The following ROBO2 variants were observed in gnomAD, a reference collection of about 807,000 sequenced individuals.
ROBO2 encodes roundabout guidance receptor 2.
In ROBO2, 53 loss-of-function variants were observed where a neutral mutation model predicts 160.8. The observed-to-expected ratio is 0.33, with a 90% CI of 0.26 to 0.41. ROBO2 has a LOEUF of 0.41. ROBO2 is among the 10% of genes least tolerant of loss of function. The pLI, the probability that ROBO2 is intolerant of heterozygous loss-of-function variation, is 1.00. For missense variants in ROBO2, 1,577 were observed against 1,722.4 expected, an observed-to-expected ratio of 0.92 and a Z score of 1.49; for synonymous variants, 664 against 611.7, an observed-to-expected ratio of 1.09 and a Z score of -1.26.
chr3:76,313,361 G>A (rs2071735466), intron 2 of ROBO2, among the ~76,000 whole-genome samples: 1 of 152,116 alleles, frequency 6.6e-6, no homozygotes, highest in African/African-American at 2.4e-5. Flanking sequence ...ATCTTTCAGT[G>A]GGTTGTAAAA....
chr3:76,751,831 T>G (rs2060669944), intron 2 of ROBO2, among the ~76,000 whole-genome samples: 1 of 152,168 alleles, frequency 6.6e-6, no homozygotes, highest in Non-Finnish European at 1.5e-5. Flanking sequence ...GGAACACTTT[T>G]ACACTGTTGG....
At chr3:77,478,176 T>C (rs1212595865) in intron 3 of ROBO2, among the ~76,000 whole-genome samples, 2 of 152,162 alleles carry the variant, frequency 1.3e-5, no homozygotes, top group Non-Finnish European at 2.9e-5. Flanking sequence ...GATCATGCAG[T>C]ACCTGAGTGT....
chr3:76,136,521 GAA>G (rs942452060), intron 2 of ROBO2, among the ~76,000 whole-genome samples: 2 of 152,060 alleles, frequency 1.3e-5, no homozygotes, highest in Non-Finnish European at 2.9e-5. Flanking sequence ...TAAGGAAAGA[GAA>G]ATGTCTAAAA....
intron 2 of ROBO2, among the ~76,000 whole-genome samples, chr3:76,336,097 T>A (rs965312599): frequency 1.3e-5 from 2 of 152,200 alleles, no homozygotes; most frequent in Middle Eastern, 3.2e-3. Context: ...GAACTAGCAT[T>A]TGCCTGTATT....
At chr3:77,244,786 G>A (rs538495399) in intron 2 of ROBO2, among the ~76,000 whole-genome samples, 1 of 151,736 alleles carries the variant, frequency 6.6e-6, no homozygotes, top group South Asian at 2.1e-4. Flanking sequence ...GCTGAGGCAG[G>A]GGAATCGCTT....
chr3:77,166,531 A>G (rs1177452082), intron 2 of ROBO2, among the ~76,000 whole-genome samples: 1 of 152,052 alleles, frequency 6.6e-6, no homozygotes, highest in Admixed American at 6.6e-5. Flanking sequence ...CCTTTTAAAA[A>G]ATATTTAATG....
chr3:76,239,548 C>T (rs539084073), intron 2 of ROBO2, among the ~76,000 whole-genome samples: 147 of 152,096 alleles, frequency 9.7e-4, no homozygotes, highest in Non-Finnish European at 1.8e-3. Flanking sequence ...GAAGTCCAGT[C>T]GGAATTCTCT....
chr3:77,507,885 A>G (rs1446270980), intron 5 of ROBO2, among the ~76,000 whole-genome samples: 1 of 152,078 alleles, frequency 6.6e-6, no homozygotes, highest in African/African-American at 2.4e-5. Flanking sequence ...CAATATTTTT[A>G]AAGTATTTAA....
intron 2 of ROBO2, among the ~76,000 whole-genome samples, chr3:76,134,669 G>T (rs956408905): frequency 2.0e-5 from 3 of 152,004 alleles, no homozygotes; most frequent in African/African-American, 7.2e-5. Context: ...GACACTTAGC[G>T]TGCAGCCTTG....
chr3:76,713,094 TG>T (rs750459348), intron 2 of ROBO2, among the ~76,000 whole-genome samples: 23 of 152,190 alleles, frequency 1.5e-4, no homozygotes, highest in Non-Finnish European at 2.4e-4. Context: ...TTGCCTGATT[TG>T]GAGCTACTTT....
chr3:76,042,107 A>G (rs939605004), intron 2 of ROBO2, among the ~76,000 whole-genome samples: 1 of 151,890 alleles, frequency 6.6e-6, no homozygotes, highest in Non-Finnish European at 1.5e-5. Context: ...TCCAAACTTT[A>G]AATATGGTCA....
At chr3:77,142,880 GC>G (rs1361033230) in intron 2 of ROBO2, among the ~76,000 whole-genome samples, 4 of 152,140 alleles carry the variant, frequency 2.6e-5, no homozygotes, top group African/African-American at 9.7e-5. Flanking sequence ...GTCGCTAGTA[GC>G]CCTGTTTTTA....
At chr3:76,677,994 G>T (rs2092457364) in intron 2 of ROBO2, among the ~76,000 whole-genome samples, 1 of 38,410 alleles carries the variant, frequency 2.6e-5, no homozygotes, top group Non-Finnish European at 4.6e-5. Context: ...TTTTGAGATA[G>T]AGTCTTGCTC....
At chr3:76,227,008 C>T (rs748042579) in intron 2 of ROBO2, among the ~76,000 whole-genome samples, 7 of 152,156 alleles carry the variant, frequency 4.6e-5, no homozygotes, top group African/African-American at 9.7e-5. Flanking sequence ...GAAGAGATGA[C>T]GGGGCCTGGG....
At chr3:76,331,926 C>T (rs1284575563) in intron 2 of ROBO2, among the ~76,000 whole-genome samples, 4 of 151,968 alleles carry the variant, frequency 2.6e-5, no homozygotes, top group East Asian at 1.9e-4. Context: ...TCAGGTGATC[C>T]GCCCAGCTCG....
intron 2 of ROBO2, among the ~76,000 whole-genome samples, chr3:76,350,480 T>A (rs1265202704): frequency 6.6e-6 from 1 of 152,046 alleles, no homozygotes; most frequent in Non-Finnish European, 1.5e-5. Flanking sequence ...TACATGATAT[T>A]TTATAACAAG....
chr3:77,005,423 T>G (rs2061532928), intron 2 of ROBO2, among the ~76,000 whole-genome samples: 1 of 152,196 alleles, frequency 6.6e-6, no homozygotes, highest in South Asian at 2.1e-4. Context: ...TTCAATATGT[T>G]TTATAAAGTA....
At chr3:77,124,894 CT>C (rs2075168121) in intron 2 of ROBO2, among the ~76,000 whole-genome samples, 1 of 151,786 alleles carries the variant, frequency 6.6e-6, no homozygotes, top group African/African-American at 2.4e-5. Context: ...CCCTTTCTTT[CT>C]TTTTTCCCCC....
At chr3:77,465,558 A>G (rs1560912080) in intron 2 of ROBO2, among the ~76,000 whole-genome samples, 1 of 152,154 alleles carries the variant, frequency 6.6e-6, no homozygotes, top group Non-Finnish European at 1.5e-5. Flanking sequence ...TGGATGGTCA[A>G]GGTGACTCCA....
Sources: allele counts gnomAD v4.1 joint callset (sites outside exome capture counted in the v4.1 genomes callset), GRCh38; gene constraint gnomAD v4.1.1; transcripts MANE v1.5; gene names NCBI Gene and HGNC (gene_info 2026-07-23, HGNC 2026-07-21).